PRRT1B: variants seen among roughly 807,000 people sequenced by gnomAD.
PRRT1B encodes dispanin subfamily D member 2.
chr9:131,547,337 TC>T (rs887152492), intron 1 of PRRT1B, among the ~76,000 whole-genome samples: 14 of 152,076 alleles, frequency 9.2e-5, no homozygotes, highest in Admixed American at 4.6e-4. Flanking sequence ...AATGGCCTGT[TC>T]CTGCCTTAAC....
chr9:131,556,615 T>A (rs1951052228), intron 3 of PRRT1B, among the ~76,000 whole-genome samples: 2 of 151,206 alleles, frequency 1.3e-5, no homozygotes, highest in Admixed American at 6.6e-5. Context: ...CATTTATCCA[T>A]CCACCCACCC....
downstream of PRRT1B, among the ~76,000 whole-genome samples, chr9:131,559,045 G>A (rs976433010): frequency 1.3e-5 from 2 of 152,170 alleles, no homozygotes; most frequent in South Asian, 2.1e-4. Context: ...AAGATCCCTC[G>A]GCCAGCCTGT....
rs1247617385 is a variant in PRRT1B at position 131,551,738 on chromosome 9, A to AC, written c.26-2814dup. Reference sequence around the variant, plus strand: ...AAGCTCCCCCACTGAGCACCTTGTGACCCCCACTCCTGCCCACCAGAGAAC... The same window carrying AC: ...AAGCTCCCCCACTGAGCACCTTGTGACCCCCCACTCCTGCCCACCAGAGAAC... On this transcript the variant is annotated intron_variant, in intron 1 of 3. Coordinates refer to ENST00000636672, the Ensembl canonical transcript of PRRT1B. This position sits in a 1 kb window ranked among gnomAD's most constrained non-coding sequence, Gnocchi z 4.4. Among the ~76,000 whole-genome samples, 7 of 150,974 alleles carry AC rather than the reference A, an allele frequency of 4.6e-5. No homozygotes were observed. In the East Asian group the frequency reaches 1.4e-3, roughly 30 times the overall value.
chr9:131,557,032 C>A, intron 3 of PRRT1B, among the ~76,000 whole-genome samples: 1 of 152,096 alleles, frequency 6.6e-6, no homozygotes, highest in Middle Eastern at 3.2e-3. Flanking sequence ...ACTCACCCCA[C>A]TATTCATCCA....
At chr9:131,546,516 CCG>C (rs1950976178) in intron 1 of PRRT1B, among the ~76,000 whole-genome samples, 1 of 152,046 alleles carries the variant, frequency 6.6e-6, no homozygotes, top group Non-Finnish European at 1.5e-5. Flanking sequence ...CGCGCACTCC[CCG>C]CCCCCTCATC....
At chr9:131,558,761 C>CCTA, downstream of PRRT1B, 1 of 152,570 alleles carries the variant, frequency 6.6e-6, no homozygotes, top group Non-Finnish European at 1.5e-5. Flanking sequence ...TCATGCTGAC[C>CCTA]CTACATCCAG....
At position 131,553,270 on chromosome 9, in the gene PRRT1B, C is replaced by T. The variant is rs538853245; in HGVS notation, c.26-1287C>T. Among the ~76,000 whole-genome samples the T allele has an allele frequency of 6.6e-5, 10 of 152,318 alleles. No individual in the cohort carries two copies. In the South Asian group the frequency reaches 2.1e-3, roughly 32 times the overall value. On this transcript the variant is annotated intron_variant, in intron 1 of 3. Coordinates refer to ENST00000636672, the Ensembl canonical transcript of PRRT1B. The stretch of plus-strand genomic sequence containing the variant: ...CATCTTCCCAAACAGAAACTCTACA[C>T]CCTTGAAACACTAACTCCCCAGCCC...
At chr9:131,546,632 C>T (rs1218977063) in intron 1 of PRRT1B, among the ~76,000 whole-genome samples, 1 of 151,764 alleles carries the variant, frequency 6.6e-6, no homozygotes, top group African/African-American at 2.4e-5. Flanking sequence ...CGCCGCCCCG[C>T]CCTCCAGGAC....
chr9:131,558,070 C>T, exon 4 of PRRT1B: 2 of 400,080 alleles, frequency 5.0e-6, no homozygotes, highest in Non-Finnish European at 8.8e-6. Context: ...CAGCACTGGG[C>T]AGGGGTGACC....
At chr9:131,552,040 G>A (rs1353390858) in intron 1 of PRRT1B, among the ~76,000 whole-genome samples, 1 of 152,154 alleles carries the variant, frequency 6.6e-6, no homozygotes, top group Admixed American at 6.5e-5. Context: ...TGACCCACCC[G>A]CCTCGGCCTC....
At chr9:131,547,377 T>C (rs1950983576) in intron 1 of PRRT1B, among the ~76,000 whole-genome samples, 1 of 152,104 alleles carries the variant, frequency 6.6e-6, no homozygotes, top group African/African-American at 2.4e-5. Flanking sequence ...AAATTCCTTC[T>C]CCTGGCTCAT....
At chr9:131,549,456 A>G (rs969413414) in intron 1 of PRRT1B, among the ~76,000 whole-genome samples, 3 of 152,108 alleles carry the variant, frequency 2.0e-5, no homozygotes, top group Non-Finnish European at 4.4e-5. Context: ...TGAAAATTGG[A>G]CTGTTCAACT....
chr9:131,556,331 G>A, intron 3 of PRRT1B, 118 bp downstream of exon 3: 3 of 397,610 alleles, frequency 7.5e-6, no homozygotes, highest in Non-Finnish European at 1.3e-5. Flanking sequence ...CCCTCTGGAG[G>A]GGGGTGGGAA....
rs149154893 is a variant in PRRT1B at position 131,545,645 on chromosome 9, C to T, written c.25+5C>T. 1.4e-3 allele frequency: 539 copies of T among 391,402 alleles called. 1 individual carries two copies. The highest frequency in any genetic ancestry group is 0.011 in the African/African-American group (455 of 41,522). 24.2% of individuals were successfully genotyped at this position (391,402 alleles called of 1,614,324 possible). A position where few individuals can be genotyped will look rare whatever the true frequency, so the allele number is the denominator to read the frequency against. Reference sequence around the variant, plus strand: ...AGGCAGGAGCTGGAGGGGCAGGTGCCGGAGGGGCAGGTGCTGGTGGGACAG... The same window carrying T: ...AGGCAGGAGCTGGAGGGGCAGGTGCTGGAGGGGCAGGTGCTGGTGGGACAG... On this transcript the variant is annotated splice_donor_5th_base_variant and intron_variant, in intron 1 of 3. Transcript: ENST00000636672.
At chr9:131,547,065 C>CTTTTGTTTTTTTTT (rs1950980969) in intron 1 of PRRT1B, among the ~76,000 whole-genome samples, 1 of 100,804 alleles carries the variant, frequency 9.9e-6, no homozygotes, top group African/African-American at 4.9e-5. Flanking sequence ...CTCCTGTTCG[C>CTTTTGTTTTTTTTT]TTTTTTTTTT....
At position 131,551,056 on chromosome 9, in the gene PRRT1B, C is replaced by T. The variant is rs1252491582; in HGVS notation, c.26-3501C>T. ...CTCCCGGGTTCACGCCATTCTTCTG[C>T]CTCAGCCTCCCGAGTAGCTGGGACT... is the stretch of plus-strand genomic sequence containing the variant. On this transcript the variant is annotated intron_variant, in intron 1 of 3. Coordinates refer to ENST00000636672, the Ensembl canonical transcript of PRRT1B. The surrounding 1 kb of genome is among the most constrained non-coding windows in gnomAD (Gnocchi z 4.4). 6.8e-6 allele frequency among the ~76,000 whole-genome samples: 1 copy of T among 147,668 alleles called. No individual in the cohort carries two copies. Among genetic ancestry groups the T allele is most frequent in the Non-Finnish European group, 1.5e-5 (1 of 67,416 alleles).
At chr9:131,554,858 G>T in exon 2 of PRRT1B, 1 of 372,560 alleles carries the variant, frequency 2.7e-6, no homozygotes, top group Non-Finnish European at 4.8e-6. Context: ...CCTACGCGCC[G>T]CCGGACCCCA....
chr9:131,554,578 G>C (rs915225334), exon 2 of PRRT1B: 81 of 396,060 alleles, frequency 2.0e-4, no homozygotes, highest in African/African-American at 1.6e-3. Context: ...AAAGGGGGCG[G>C]CAGCCCCGCC....
chr9:131,548,824 C>G (rs139692396), intron 1 of PRRT1B, among the ~76,000 whole-genome samples: 256 of 152,322 alleles, frequency 1.7e-3, no homozygotes, highest in African/African-American at 5.7e-3. Flanking sequence ...CACACCCGGT[C>G]TGGCTTACAG....
Sources: gnomAD v4.1 joint callset for allele counts (sites outside exome capture counted in the v4.1 genomes callset) on GRCh38, gnomAD v4.1.1 for gene constraint, Gnocchi (gnomAD v3.1) non-coding constraint, MANE v1.5 for transcripts, NCBI Gene and HGNC (gene_info 2026-07-23, HGNC 2026-07-21) for gene names.